NLGN1: variants seen among roughly 807,000 people sequenced by gnomAD.
NLGN1 encodes neuroligin-1.
In NLGN1, 12 loss-of-function variants were observed where a neutral mutation model predicts 65.5. The observed-to-expected ratio is 0.18, with a 90% CI of 0.12 to 0.30. The LOEUF (loss-of-function observed/expected upper bound fraction) is 0.30. Among genes scored for constraint, NLGN1 ranks in the 10% least tolerant of loss-of-function variants. The pLI is 1.00. For missense variants in NLGN1, 750 were observed against 1,007.1 expected (o/e 0.74, Z 3.46); for synonymous variants, 350 against 359.5 (o/e 0.97, Z 0.30).
chr3:174,010,556 C>T (rs1458774126), intron 4 of NLGN1, among the ~76,000 whole-genome samples: 1 of 152,160 alleles, frequency 6.6e-6, no homozygotes, highest in Non-Finnish European at 1.5e-5. Context: ...CCATACACAA[C>T]ATTTCTTTCT....
At chr3:174,067,306 G>A (rs1212293033) in intron 4 of NLGN1, among the ~76,000 whole-genome samples, 2 of 152,092 alleles carry the variant, frequency 1.3e-5, no homozygotes, top group African/African-American at 2.4e-5. Flanking sequence ...GAATATATTT[G>A]AGGGGGTATA....
intron 1 of NLGN1, among the ~76,000 whole-genome samples, chr3:173,412,765 C>G (rs372857469): frequency 6.6e-6 from 1 of 152,172 alleles, no homozygotes; most frequent in Non-Finnish European, 1.5e-5. Flanking sequence ...CCTTCCTCCA[C>G]CCCACTTTGA....
chr3:174,201,385 A>G, intron 4 of NLGN1, among the ~76,000 whole-genome samples: 1 of 149,782 alleles, frequency 6.7e-6, no homozygotes, highest in Non-Finnish European at 1.5e-5. Context: ...GAAAGAAGGA[A>G]GGAAGGAAGG....
At chr3:173,834,369 A>G (rs972352336) in intron 4 of NLGN1, among the ~76,000 whole-genome samples, 3 of 152,068 alleles carry the variant, frequency 2.0e-5, no homozygotes, top group Non-Finnish European at 4.4e-5. Context: ...TTTACTTTAT[A>G]TATTTTAAAA....
exon 3 of NLGN1, chr3:173,604,924 A>G: frequency 6.2e-7 from 1 of 1,613,724 alleles, no homozygotes; most frequent in Non-Finnish European, 8.5e-7. Context: ...GATATCAGAA[A>G]TGCCACTCAA....
At chr3:173,564,848 G>A (rs555911181) in intron 2 of NLGN1, among the ~76,000 whole-genome samples, 13 of 152,320 alleles carry the variant, frequency 8.5e-5, no homozygotes, top group African/African-American at 2.2e-4. Context: ...GTTATCTCCT[G>A]TGAAGAGATC....
chr3:173,600,634 TAA>T (rs1354171964), intron 2 of NLGN1, among the ~76,000 whole-genome samples: 2 of 115,366 alleles, frequency 1.7e-5, no homozygotes, highest in African/African-American at 6.0e-5. Context: ...CGTAAAGTTA[TAA>T]GTCAGATATT....
intron 1 of NLGN1, among the ~76,000 whole-genome samples, chr3:173,405,689 A>C (rs906124458): frequency 6.6e-6 from 1 of 152,092 alleles, no homozygotes; most frequent in African/African-American, 2.4e-5. Context: ...AAATATAGCT[A>C]GTCTTAAGAA....
intron 4 of NLGN1, among the ~76,000 whole-genome samples, chr3:174,231,612 A>G (rs768024638): frequency 1.3e-5 from 2 of 152,168 alleles, no homozygotes; most frequent in African/African-American, 4.8e-5. Flanking sequence ...TGCGGTTTCA[A>G]TGTGGATAGG....
rs1162472898 is a variant in NLGN1, at chr3:173,892,265, A to G, written c.646+84433A>G. Among the ~76,000 whole-genome samples, 3 of 148,204 alleles carry G rather than the reference A, an allele frequency of 2.0e-5. 1 individual carries two copies. The highest frequency in any genetic ancestry group is 4.0e-4 in the East Asian group (2 of 5,004). On this transcript the variant is annotated intron_variant, in intron 4 of 6. Transcript: ENST00000457714. ...TGGGCCTGTGAAAACTTATTACTTT[A>G]TAAGTCTCTGTGTGTCATATCCTCC... is the stretch of plus-strand genomic sequence containing the variant.
intron 4 of NLGN1, among the ~76,000 whole-genome samples, chr3:173,999,923 T>C (rs1364831427): frequency 6.6e-6 from 1 of 151,864 alleles, no homozygotes; most frequent in Non-Finnish European, 1.5e-5. Flanking sequence ...ATGTAGTAAC[T>C]GCCTGAATTT....
chr3:174,077,906 T>C (rs1741346163), intron 4 of NLGN1, among the ~76,000 whole-genome samples: 2 of 152,138 alleles, frequency 1.3e-5, no homozygotes, highest in African/African-American at 4.8e-5. Flanking sequence ...TTGATCTTTA[T>C]AGGAAATGAA....
intron 4 of NLGN1, among the ~76,000 whole-genome samples, chr3:173,996,305 A>C (rs1466529892): frequency 6.6e-6 from 1 of 152,118 alleles, no homozygotes; most frequent in African/African-American, 2.4e-5. Context: ...TGTTTTCCTG[A>C]ATCAGTGCTT....
intron 3 of NLGN1, among the ~76,000 whole-genome samples, chr3:173,624,701 T>G (rs745869648): frequency 2.0e-5 from 3 of 152,126 alleles, no homozygotes; most frequent in East Asian, 1.9e-4. Context: ...CCACATGCAG[T>G]AAGAATGAGC....
chr3:173,872,390 C>T (rs758950420), intron 4 of NLGN1, among the ~76,000 whole-genome samples: 1 of 152,170 alleles, frequency 6.6e-6, no homozygotes, highest in Non-Finnish European at 1.5e-5. Flanking sequence ...TATGGAATGG[C>T]AAATAGCTTC....
intron 4 of NLGN1, among the ~76,000 whole-genome samples, chr3:174,257,115 CA>C (rs1476012082): frequency 3.3e-5 from 5 of 152,066 alleles, no homozygotes. Context: ...AGGCACTTCT[CA>C]AAAGAAGACA....
At chr3:173,802,403 C>T (rs1715626152) in intron 3 of NLGN1, among the ~76,000 whole-genome samples, 1 of 152,110 alleles carries the variant, frequency 6.6e-6, no homozygotes, top group Non-Finnish European at 1.5e-5. Context: ...TACTCAAAAG[C>T]GTAGAATGTC....
At chr3:173,977,804 T>C (rs1263853637) in intron 4 of NLGN1, among the ~76,000 whole-genome samples, 1 of 152,052 alleles carries the variant, frequency 6.6e-6, no homozygotes, top group African/African-American at 2.4e-5. Context: ...CAAAAGAGTA[T>C]TATGGCCTAG....
downstream of NLGN1, among the ~76,000 whole-genome samples, chr3:174,288,036 A>C (rs1436827723): frequency 6.6e-6 from 1 of 151,616 alleles, no homozygotes; most frequent in Admixed American, 6.6e-5. Flanking sequence ...ACTAACATAC[A>C]ACTATTGTCA....
Sources: allele counts gnomAD v4.1 joint callset (sites outside exome capture counted in the v4.1 genomes callset), GRCh38; gene constraint gnomAD v4.1.1; transcripts MANE v1.5; gene names NCBI Gene and HGNC (gene_info 2026-07-23, HGNC 2026-07-21).